The following PAG1 variants were observed in gnomAD, a reference collection of about 807,000 sequenced individuals.
PAG1 encodes the protein phosphoprotein associated with glycosphingolipid-enriched microdomains 1.
In PAG1, 23 loss-of-function variants were observed where a neutral mutation model predicts 31.7. The observed-to-expected ratio is 0.73, with a 90% CI of 0.52 to 1.03. PAG1 has a LOEUF of 1.03. Among genes scored for constraint, PAG1 ranks in the 50% least tolerant of loss-of-function variants. The pLI, the probability that PAG1 is intolerant of heterozygous loss-of-function variation, is 0.00. For synonymous variants in PAG1, 214 were observed against 210.3 expected (o/e 1.02, Z -0.15); for missense variants, 473 against 540.7 (o/e 0.87, Z 1.24).
chr8:81,076,085 G>C (rs1809172212), intron 1 of PAG1, among the ~76,000 whole-genome samples: 1 of 152,118 alleles, frequency 6.6e-6, no homozygotes, highest in South Asian at 2.1e-4. Flanking sequence ...AATCTCTGTT[G>C]GTTGGTGACC....
chr8:81,102,429 A>C (rs1165992568), intron 1 of PAG1, among the ~76,000 whole-genome samples: 1 of 152,148 alleles, frequency 6.6e-6, no homozygotes, highest in East Asian at 1.9e-4. Context: ...TTTTCCTACC[A>C]AAGCTAAAAT....
intron 2 of PAG1, among the ~76,000 whole-genome samples, chr8:81,032,930 C>A (rs1163018427): frequency 6.6e-6 from 1 of 151,994 alleles, no homozygotes; most frequent in Non-Finnish European, 1.5e-5. Context: ...CATGGATGAA[C>A]CTTGAAAACA....
chr8:81,009,706 G>A (rs905004086), intron 3 of PAG1, among the ~76,000 whole-genome samples: 3 of 152,082 alleles, frequency 2.0e-5, no homozygotes, highest in Admixed American at 1.3e-4. Flanking sequence ...TTGAACTCCT[G>A]GGCTCAAGAG....
rs1157884386 is a variant in PAG1, at chr8:80,969,968, T to TCACA, written c.*6572_*6575dup. The TCACA allele has an allele frequency of 3.3e-5, 5 of 152,204 alleles. No homozygotes were observed. The highest frequency in any genetic ancestry group is 7.2e-5 in the African/African-American group (3 of 41,452). The allele number at this position is 152,204 out of a possible 1,614,324, so 9.4% of individuals were successfully genotyped here. ...GCTCTACCTTTGCATGCTGAAGCAC[T>TCACA]CACAGTTTTCTTAGGTCCTGGGGGA... On this transcript the variant is annotated 3_prime_UTR_variant, in exon 9 of 9. Transcript: ENST00000220597.
Position 80,970,579 on chromosome 8 carries a change from G to A in PAG1, c.*5965C>T, listed in dbSNP as rs984323177. The A allele has an allele frequency of 2.6e-5, 4 of 152,682 alleles. No individual in the cohort carries two copies. Among genetic ancestry groups the A allele is most frequent in the South Asian group, 2.1e-4 (1 of 4,828 alleles). 9.5% of individuals were successfully genotyped at this position (152,682 alleles called of 1,614,324 possible). On this transcript the variant is annotated 3_prime_UTR_variant, in exon 9 of 9. Transcript: ENST00000220597. ...AGACTCAGGCCAGATACAGATCACT[G>A]TGGGGAACACTAAGCTTACTTGGTT...
At chr8:80,989,989 C>A (rs1401368301) in intron 5 of PAG1, among the ~76,000 whole-genome samples, 1 of 152,120 alleles carries the variant, frequency 6.6e-6, no homozygotes, top group Non-Finnish European at 1.5e-5. Context: ...AAGGCAGGGG[C>A]CTGGAGTCTG....
At chr8:81,034,651 C>T (rs2130806102) in intron 2 of PAG1, among the ~76,000 whole-genome samples, 1 of 152,316 alleles carries the variant, frequency 6.6e-6, no homozygotes, top group East Asian at 1.9e-4. Context: ...TTCTTCTGTG[C>T]TCCAGAGGCT....
chr8:81,032,354 A>G (rs1458817808), intron 2 of PAG1, among the ~76,000 whole-genome samples: 1 of 152,222 alleles, frequency 6.6e-6, no homozygotes, highest in Non-Finnish European at 1.5e-5. Flanking sequence ...TAACTCTTAT[A>G]ACTCAATAAT....
chr8:80,974,152 G>GTTTTTTTTTT lies in PAG1; in HGVS notation c.*2382_*2391dup, dbSNP rs554932519. The stretch of plus-strand genomic sequence containing the variant: ...ATTATTTATGAGCTTTCTATAAAAA[G>GTTTTTTTTTT]TTTTTTTTTTTTTTTTTTTTTTACT... On this transcript the variant is annotated 3_prime_UTR_variant, in exon 9 of 9. Coordinates refer to ENST00000220597, the MANE Select transcript of PAG1 (RefSeq NM_018440.4). 5 of 115,376 alleles carry GTTTTTTTTTT rather than the reference G, an allele frequency of 4.3e-5. No homozygotes were observed. The highest frequency in any genetic ancestry group is 9.5e-5 in the Admixed American group (1 of 10,538). The allele number at this position is 115,376 out of a possible 1,614,324, so 7.1% of individuals were successfully genotyped here.
At chr8:81,085,286 T>C (rs1263052870) in intron 1 of PAG1, among the ~76,000 whole-genome samples, 1 of 152,138 alleles carries the variant, frequency 6.6e-6, no homozygotes, top group African/African-American at 2.4e-5. Context: ...AAATGTAAAA[T>C]AAGGATTAAC....
chr8:81,000,106 A>C (rs1183307514), intron 3 of PAG1, among the ~76,000 whole-genome samples: 1 of 152,144 alleles, frequency 6.6e-6, no homozygotes, highest in Non-Finnish European at 1.5e-5. Context: ...GACAGTGTGT[A>C]TTTTGGGCTT....
At position 80,990,922 on chromosome 8, in the gene PAG1, G is replaced by A. The variant is rs1466748102; in HGVS notation, c.177+557C>T. On this transcript the variant is annotated intron_variant, in intron 5 of 8. Transcript: ENST00000220597. The surrounding 1 kb of genome is among the most constrained non-coding windows in gnomAD (Gnocchi z 5.1). Reference sequence around the variant, plus strand: ...ATATGAGGTCGTGCTACAGTAGGGTGGGCACTAGTCCAATATGTCTGGTGT... The same window carrying A: ...ATATGAGGTCGTGCTACAGTAGGGTAGGCACTAGTCCAATATGTCTGGTGT... 1.3e-5 allele frequency among the ~76,000 whole-genome samples: 2 copies of A among 152,146 alleles called. No homozygotes were observed. The highest frequency in any genetic ancestry group is 2.9e-5 in the Non-Finnish European group (2 of 68,020).
intron 1 of PAG1, among the ~76,000 whole-genome samples, chr8:81,101,712 G>A (rs770548905): frequency 5.3e-5 from 8 of 151,996 alleles, no homozygotes; most frequent in Non-Finnish European, 1.0e-4. Context: ...CTAACAGAAA[G>A]AACATACAGG....
chr8:81,011,339 TAGTG>T lies in PAG1; in HGVS notation c.-80-18036_-80-18033del, dbSNP rs368532372. Among the ~76,000 whole-genome samples the T allele has an allele frequency of 1.6e-3, 247 of 152,266 alleles. 1 individual carries two copies. The highest frequency in any genetic ancestry group is 5.5e-3 in the African/African-American group (229 of 41,568). ...GGTTTCCCCCATACTGTTCTCATGG[TAGTG>T]AGTAAGTCTCACAAGATCTGATGGT... On this transcript the variant is annotated intron_variant, in intron 3 of 8. Coordinates refer to ENST00000220597, the MANE Select transcript of PAG1 (RefSeq NM_018440.4).
rs757047765 is a variant in PAG1 at position 80,976,592 on chromosome 8, G to A, written c.1251C>T (p.Tyr417=). ...CTTGCTGCAAGTCACTTATGCTCTCGTAGTCGTTCTCCTTTGGGACGAGAC... is the reference window on the plus strand; with the variant it reads ...CTTGCTGCAAGTCACTTATGCTCTCATAGTCGTTCTCCTTTGGGACGAGAC... ...HHGLVPKEND[Y]ESISDLQQGR... is the part of the protein sequence containing the mutation. Residue 417 remains tyrosine (Y), a synonymous_variant, in exon 9 of 9, where the codon TAC becomes TAT. Transcript: ENST00000220597. The A allele has an allele frequency of 2.0e-5, 33 of 1,613,846 alleles. No individual in the cohort carries two copies. The highest frequency in any genetic ancestry group is 6.7e-5 in the East Asian group (3 of 44,902).
chr8:81,051,403 C>T (rs1223413528), intron 2 of PAG1, among the ~76,000 whole-genome samples: 2 of 152,122 alleles, frequency 1.3e-5, no homozygotes, highest in South Asian at 4.1e-4. Flanking sequence ...TATTTGTGTT[C>T]GATTAATTAG....
chr8:81,016,638 G>A (rs1213314313), intron 3 of PAG1, among the ~76,000 whole-genome samples: 1 of 152,160 alleles, frequency 6.6e-6, no homozygotes, highest in African/African-American at 2.4e-5. Context: ...TAGAACTGAA[G>A]TTTTCTACCT....
intron 2 of PAG1, among the ~76,000 whole-genome samples, chr8:81,043,835 T>C (rs1808595674): frequency 1.3e-5 from 2 of 152,228 alleles, no homozygotes; most frequent in Admixed American, 1.3e-4. Context: ...TAATCCTTTG[T>C]TCTTCTGGAT....
rs1809774396 is a variant in PAG1 at position 81,111,594 on chromosome 8, GA to G, written c.-238del. 1 of 152,310 alleles carries G rather than the reference GA, an allele frequency of 6.6e-6. No homozygotes were observed. The highest frequency in any genetic ancestry group is 2.1e-4 in the South Asian group (1 of 4,834). The allele number at this position is 152,310 out of a possible 1,614,324, so 9.4% of individuals were successfully genotyped here. On this transcript the variant is annotated 5_prime_UTR_variant, in exon 1 of 9. Coordinates refer to ENST00000220597, the MANE Select transcript of PAG1 (RefSeq NM_018440.4). ...TCAGAAACTACAGTCAACTTACTGG[GA>G]CTCAGGAGGCAGGGAGTCTTCCTGG...
Sources: gnomAD v4.1 joint callset for allele counts (sites outside exome capture counted in the v4.1 genomes callset) on GRCh38, gnomAD v4.1.1 for gene constraint, Gnocchi (gnomAD v3.1) non-coding constraint, MANE v1.5 for transcripts, NCBI Gene and HGNC (gene_info 2026-07-23, HGNC 2026-07-21) for gene names.